The following FER variants were observed in gnomAD, a reference collection of about 807,000 sequenced individuals.
The protein encoded by FER is tyrosine-protein kinase Fer.
FER carries 63 observed loss-of-function variants against 111.0 expected under a neutral mutation model. The observed-to-expected ratio is 0.57, with a 90% CI of 0.46 to 0.70. The LOEUF is 0.70. Ranked by LOEUF, FER falls within the 30% of genes least tolerant of loss-of-function variation. The pLI, the probability that FER is intolerant of heterozygous loss-of-function variation, is 0.00. For missense variants in FER, 914 were observed against 954.0 expected (o/e 0.96, Z 0.55); for synonymous variants, 327 against 313.9 (o/e 1.04, Z -0.44).
intron 16 of FER, among the ~76,000 whole-genome samples, chr5:109,080,974 A>G (rs938195516): frequency 2.0e-5 from 3 of 152,104 alleles, no homozygotes; most frequent in African/African-American, 7.2e-5. Flanking sequence ...GATTTCATGC[A>G]AAGTGTTCAA....
At chr5:108,967,830 A>T (rs887512939) in intron 13 of FER, among the ~76,000 whole-genome samples, 1 of 151,182 alleles carries the variant, frequency 6.6e-6, no homozygotes, top group African/African-American at 2.4e-5. Flanking sequence ...AAGGTGGGGA[A>T]AGTGTGCCAA....
At chr5:108,925,999 A>G (rs1581227884) in intron 10 of FER, among the ~76,000 whole-genome samples, 1 of 152,042 alleles carries the variant, frequency 6.6e-6, no homozygotes, top group African/African-American at 2.4e-5. Context: ...TTAACTTTAA[A>G]AAAGTCTCGC....
At chr5:108,896,636 T>G (rs1749148522) in intron 9 of FER, among the ~76,000 whole-genome samples, 1 of 152,194 alleles carries the variant, frequency 6.6e-6, no homozygotes, top group South Asian at 2.1e-4. Context: ...TCACTGAGGT[T>G]GCACTGTGCT....
intron 13 of FER, among the ~76,000 whole-genome samples, chr5:108,991,758 CT>C: frequency 6.6e-6 from 1 of 151,982 alleles, no homozygotes; most frequent in South Asian, 2.1e-4. Context: ...GTTATAACCA[CT>C]TTAAAGCTCT....
At chr5:108,884,550 C>G (rs1413034285) in intron 9 of FER, among the ~76,000 whole-genome samples, 1 of 137,034 alleles carries the variant, frequency 7.3e-6, no homozygotes, top group Non-Finnish European at 1.6e-5. Flanking sequence ...TGTATTTTCT[C>G]GTCTCTACTT....
At chr5:108,937,973 T>G (rs1433398728) in intron 10 of FER, among the ~76,000 whole-genome samples, 1 of 151,544 alleles carries the variant, frequency 6.6e-6, no homozygotes, top group Admixed American at 6.6e-5. Context: ...TCTTCTGCTC[T>G]TTCCTTCCTT....
intron 17 of FER, among the ~76,000 whole-genome samples, chr5:109,142,034 T>C (rs1012704033): frequency 2.0e-5 from 3 of 152,172 alleles, no homozygotes; most frequent in Admixed American, 2.0e-4. Flanking sequence ...TTTCCTGGTT[T>C]GTTAGTACCA....
At chr5:108,781,896 C>T (rs1754125469) in intron 2 of FER, among the ~76,000 whole-genome samples, 2 of 151,598 alleles carry the variant, frequency 1.3e-5, no homozygotes, top group African/African-American at 4.9e-5. Flanking sequence ...TTTGTTTTCC[C>T]TCCCTCTGTC....
intron 13 of FER, among the ~76,000 whole-genome samples, chr5:109,009,253 C>A (rs1043530047): frequency 6.6e-6 from 1 of 151,932 alleles, no homozygotes; most frequent in African/African-American, 2.4e-5. Flanking sequence ...CCAGGCTGGT[C>A]TTGAACTCCT....
At position 108,761,493 on chromosome 5, in the gene FER, G is replaced by A. The variant is rs116522641; in HGVS notation, c.-205-6600G>A. Among the ~76,000 whole-genome samples, 883 of 152,168 alleles carry A rather than the reference G, an allele frequency of 5.8e-3. 13 individuals carry two copies. The highest frequency in any genetic ancestry group is 0.02 in the African/African-American group (849 of 41,504). On this transcript the variant is annotated intron_variant, in intron 1 of 19. Transcript: ENST00000281092. Reference sequence around the variant, plus strand: ...CCGTTATATATGAGTGTGGTTCTTGGTGCCCCAAAACAATTAAGATAGTAA... The same window carrying A: ...CCGTTATATATGAGTGTGGTTCTTGATGCCCCAAAACAATTAAGATAGTAA...
At chr5:108,899,301 C>G (rs1473972513) in intron 10 of FER, among the ~76,000 whole-genome samples, 1 of 152,152 alleles carries the variant, frequency 6.6e-6, no homozygotes, top group Non-Finnish European at 1.5e-5. Context: ...CTATAAGGAT[C>G]TCAGCACATG....
Position 108,954,880 on chromosome 5 carries a change from T to C in FER, c.1481T>C (p.Leu494Pro). ...ESHGKPGEYV[L>P]SVYSDGQRRH... ...CATGGGAAACCTGGTGAATATGTCC[T>C]TTCTGTATATTCTGATGGACAGAGG... The change falls in exon 12 of 20, where the codon CTT becomes CCT. Residue 494 changes from leucine to proline, a missense_variant. Physicochemically the swap from Leu to Pro is moderately conservative, Grantham distance 98. Transcript: ENST00000281092. 6.2e-7 allele frequency: 1 copy of C among 1,611,358 alleles called. No homozygotes were observed. The highest frequency in any genetic ancestry group is 8.5e-7 in the Non-Finnish European group (1 of 1,178,944).
intron 3 of FER, among the ~76,000 whole-genome samples, chr5:108,811,874 T>C (rs1757797244): frequency 6.6e-6 from 1 of 152,206 alleles, no homozygotes; most frequent in Admixed American, 6.5e-5. Flanking sequence ...CCTCCTCCTT[T>C]TTGTTCCATT....
At chr5:108,832,553 T>C (rs187464733) in intron 3 of FER, among the ~76,000 whole-genome samples, 71 of 152,292 alleles carry the variant, frequency 4.7e-4, no homozygotes, top group African/African-American at 1.6e-3. Context: ...GTTTTCTGTG[T>C]TGTCTGTGAT....
At chr5:109,051,343 C>T (rs1772776028) in intron 16 of FER, 1 of 1,607,930 alleles carries the variant, frequency 6.2e-7, no homozygotes, top group African/African-American at 1.3e-5. Flanking sequence ...CTGAGGCCTG[C>T]TGCTGGCACG....
chr5:109,083,741 G>T (rs1294672601), intron 16 of FER, among the ~76,000 whole-genome samples: 1 of 151,966 alleles, frequency 6.6e-6, no homozygotes, highest in Non-Finnish European at 1.5e-5. Flanking sequence ...AACTCTGAAA[G>T]ATGAAATAAT....
chr5:109,147,315 T>G (rs1005878823), intron 17 of FER, among the ~76,000 whole-genome samples: 1 of 151,978 alleles, frequency 6.6e-6, no homozygotes, highest in Non-Finnish European at 1.5e-5. Context: ...AAAACAGACA[T>G]GCATATGCCG....
chr5:108,843,922 A>C (rs1296319858), intron 5 of FER, among the ~76,000 whole-genome samples: 1 of 152,162 alleles, frequency 6.6e-6, no homozygotes, highest in African/African-American at 2.4e-5. Flanking sequence ...GAACTCCTGC[A>C]TACTTTTTAC....
intron 16 of FER, among the ~76,000 whole-genome samples, chr5:109,065,139 AAACT>A (rs1295253771): frequency 4.6e-5 from 7 of 152,176 alleles, no homozygotes; most frequent in African/African-American, 1.7e-4. Flanking sequence ...AATATATATG[AAACT>A]AACAGTGAGT....
Sources: allele counts gnomAD v4.1 joint callset (sites outside exome capture counted in the v4.1 genomes callset), GRCh38; gene constraint gnomAD v4.1.1; transcripts MANE v1.5; gene names NCBI Gene and HGNC (gene_info 2026-07-23, HGNC 2026-07-21).